The following BAIAP2 variants were observed in gnomAD, a reference collection of about 807,000 sequenced individuals.
BAIAP2 encodes BAR/IMD domain containing adaptor protein 2, also known as BAR/IMD domain-containing adapter protein 2.
In BAIAP2, 18 loss-of-function variants were observed where a neutral mutation model predicts 63.0. The ratio of observed to expected loss-of-function variants is 0.29; its 90% CI spans 0.20 to 0.42. The LOEUF (loss-of-function observed/expected upper bound fraction) is 0.42, where lower values mean the gene tolerates loss of function less well. Ranked by LOEUF, BAIAP2 falls within the 10% of genes least tolerant of loss-of-function variation. BAIAP2 has a pLI of 1.00. For synonymous variants in BAIAP2, 386 were observed against 307.6 expected (o/e 1.25, Z -2.67); for missense variants, 610 against 734.3 (o/e 0.83, Z 1.96).
In BAIAP2 at chr17:81,035,230, T is replaced by G. The variant is rs145195680; in HGVS notation, c.-25T>G. 11,271 of 1,486,048 alleles carry G rather than the reference T, an allele frequency of 7.6e-3. 629 individuals are homozygous for G. In the African/African-American group the frequency reaches 0.13, roughly 17 times the overall value. The allele number at this position is 1,486,048 out of a possible 1,614,324, so 92.1% of individuals were successfully genotyped here. On this transcript the variant is annotated 5_prime_UTR_variant, in exon 1 of 14. Transcript: ENST00000428708. ...GCCGCTTGCGTCCCCCGCTCCGGTC[T>G]GTGGTGCAGCCGGGACCCAGGACCA...
At chr17:81,105,147 C>CA (rs1272375249) in intron 10 of BAIAP2, 4 of 169,326 alleles carry the variant, frequency 2.4e-5, no homozygotes, top group South Asian at 2.4e-4. Context: ...GGTCTTTCCC[C>CA]ACGGCAGGGG....
Position 81,102,228 on chromosome 17 carries a change from G to C in BAIAP2, c.643-1274G>C, listed in dbSNP as rs2058590641. On this transcript the variant is annotated intron_variant, in intron 7 of 13. Transcript: ENST00000428708. ...CAGGGCAGTTCGTAGTAGCTCCCTG[G>C]TGCTTGGGTTTGGGCCTGCCTCGGG... Among the ~76,000 whole-genome samples the C allele has an allele frequency of 2.6e-5, 4 of 152,278 alleles. No individual in the cohort carries two copies. The South Asian group carries it at 8.3e-4, about 32-fold the overall frequency.
At chr17:81,040,306 C>T (rs533008070) in intron 1 of BAIAP2, among the ~76,000 whole-genome samples, 13 of 152,370 alleles carry the variant, frequency 8.5e-5, no homozygotes, top group South Asian at 2.1e-4. Context: ...GGGCGGCCGG[C>T]GCCGTCAGCC....
At chr17:81,082,268 G>A (rs1169175750) in intron 3 of BAIAP2, among the ~76,000 whole-genome samples, 1 of 152,180 alleles carries the variant, frequency 6.6e-6, no homozygotes, top group African/African-American at 2.4e-5. Flanking sequence ...TCACGCTTGT[G>A]CGTGCCCACT....
At chr17:81,035,555 C>G (rs1028948140) in intron 1 of BAIAP2, among the ~76,000 whole-genome samples, 9 of 149,522 alleles carry the variant, frequency 6.0e-5, no homozygotes, top group Admixed American at 5.3e-4. Flanking sequence ...GCGGCCCGGT[C>G]AGTCCCCAGC....
chr17:81,104,428 T>A, intron 9 of BAIAP2, 86 bp from the exon 10 acceptor site: 1 of 1,415,326 alleles, frequency 7.1e-7, no homozygotes, highest in Non-Finnish European at 9.5e-7. Flanking sequence ...CAGGCGGCTG[T>A]GCTCTCAGCA....
chr17:81,114,136 ATT>A (rs58461450), intron 13 of BAIAP2, among the ~76,000 whole-genome samples: 37 of 124,608 alleles, frequency 3.0e-4, no homozygotes, highest in Admixed American at 4.2e-4. Context: ...CACCTGCCTA[ATT>A]TTTTTTTTTT....
At position 81,106,867 on chromosome 17, in the gene BAIAP2, A is replaced by G. The variant is rs1254092875; in HGVS notation, c.1460A>G (p.Lys487Arg). Residue 487 changes from lysine (K) to arginine (R), a missense_variant, in exon 12 of 14, where the codon AAG (lysine) becomes AGG (arginine). Physicochemically the swap from Lys to Arg is conservative, Grantham distance 26 (BLOSUM62 2). Coordinates refer to ENST00000428708, the MANE Select transcript of BAIAP2 (RefSeq NM_001144888.2). Reference protein sequence around the residue: ...AFPAQTASGFKQRPYSVAVPA... With the variant: ...AFPAQTASGFRQRPYSVAVPA... ...CCCGCCCAGACGGCCAGCGGCTTCAAGCAGAGGCCCTACAGTGTGGCCGTG... is the reference window on the plus strand; with the variant it reads ...CCCGCCCAGACGGCCAGCGGCTTCAGGCAGAGGCCCTACAGTGTGGCCGTG... 6.2e-7 allele frequency: 1 copy of G among 1,604,118 alleles called. No homozygotes were observed. The highest frequency in any genetic ancestry group is 1.1e-5 in the South Asian group (1 of 89,514).
chr17:81,097,165 C>G (rs4074981), intron 6 of BAIAP2, among the ~76,000 whole-genome samples: 34,270 of 152,062 alleles, frequency 0.23, 4,571 homozygotes, highest in Admixed American at 0.36. Context: ...TACAGCGCCT[C>G]TGGAGGGTCA....
intron 1 of BAIAP2, 72 bp from the exon 2 acceptor site, chr17:81,053,596 T>C: frequency 1.3e-6 from 2 of 1,552,724 alleles, no homozygotes; most frequent in South Asian, 2.2e-5. Flanking sequence ...TTTTCTCCTC[T>C]GTGTTCGGAC....
chr17:81,096,514 C>T (rs1236861892), intron 6 of BAIAP2, among the ~76,000 whole-genome samples: 2 of 152,218 alleles, frequency 1.3e-5, no homozygotes, highest in African/African-American at 4.8e-5. Context: ...CAGGACCCTG[C>T]AGGCGGCCTT....
At chr17:81,055,396 T>A (rs942124337) in intron 2 of BAIAP2, among the ~76,000 whole-genome samples, 5 of 151,840 alleles carry the variant, frequency 3.3e-5, no homozygotes, top group African/African-American at 1.2e-4. Flanking sequence ...TTGGGCCACC[T>A]CCTGTTTGCA....
Position 81,085,087 on chromosome 17 carries a change from G to A in BAIAP2, c.279+194G>A, listed in dbSNP as rs914905772. 41 of 614,564 alleles carry A rather than the reference G, an allele frequency of 6.7e-5. 1 individual carries two copies. In the African/African-American group the frequency reaches 6.8e-4, roughly 10 times the overall value. 38.1% of individuals were successfully genotyped at this position (614,564 alleles called of 1,614,324 possible). On this transcript the variant is annotated intron_variant, in intron 4 of 13. Transcript: ENST00000428708. The stretch of plus-strand genomic sequence containing the variant: ...CGGAGAAAAGGGCACAGGCCAGACC[G>A]CGGCCGCATGTTTCACTGGCTGCAG...
chr17:81,105,063 TC>T, intron 10 of BAIAP2: 2 of 209,946 alleles, frequency 9.5e-6, no homozygotes, highest in Non-Finnish European at 2.0e-5. Flanking sequence ...GGCAGGGGTC[TC>T]CCCCCAATGG....
At chr17:81,107,006 T>TG (rs1373997717) in intron 12 of BAIAP2, 99 bp downstream of exon 12, 13 of 1,360,970 alleles carry the variant, frequency 9.6e-6, no homozygotes, top group Non-Finnish European at 1.3e-5. Context: ...GCGGGGCGCC[T>TG]GGGGGTCTGG....
At chr17:81,110,673 T>C (rs1251199132) in intron 13 of BAIAP2, among the ~76,000 whole-genome samples, 8 of 152,230 alleles carry the variant, frequency 5.3e-5, no homozygotes, top group African/African-American at 1.9e-4. Context: ...TCGCTCACTC[T>C]GCCCGGGCTC....
intron 1 of BAIAP2, among the ~76,000 whole-genome samples, chr17:81,044,474 G>C (rs2143698090): frequency 6.6e-6 from 1 of 152,358 alleles, no homozygotes; most frequent in Admixed American, 6.5e-5. Context: ...GGTCCTATGG[G>C]ATTAGGGCCC....
At chr17:81,082,950 T>C (rs147527595) in intron 3 of BAIAP2, 1 of 152,502 alleles carries the variant, frequency 6.6e-6, no homozygotes, top group East Asian at 1.9e-4. Flanking sequence ...GTTGTGCTGA[T>C]TAAAGGGAGG....
intron 6 of BAIAP2, among the ~76,000 whole-genome samples, chr17:81,094,848 G>A (rs1481114304): frequency 6.6e-6 from 1 of 152,252 alleles, no homozygotes; most frequent in South Asian, 2.1e-4. Context: ...TACCCATGGT[G>A]ACAGCTGAAG....
Sources: gnomAD v4.1 joint callset for allele counts (sites outside exome capture counted in the v4.1 genomes callset) on GRCh38, gnomAD v4.1.1 for gene constraint, MANE v1.5 for transcripts, NCBI Gene and HGNC (gene_info 2026-07-23, HGNC 2026-07-21) for gene names.